Variants in MS4A6A observed in about 807,000 individuals in gnomAD.
The protein encoded by MS4A6A is membrane spanning 4-domains A6A, also known as membrane-spanning 4-domains subfamily A member 6A.
A neutral mutation model predicts 20.6 loss-of-function variants in MS4A6A; 19 were observed. The ratio of observed to expected loss-of-function variants is 0.92; its 90% CI spans 0.64 to 1.36. MS4A6A has a LOEUF of 1.36. Among genes scored for constraint, MS4A6A ranks in the 40% most tolerant of loss-of-function variants. The probability of loss-of-function intolerance (pLI) is 0.00; values close to 1 mark genes in which losing one functional copy is unlikely to be tolerated. For missense variants in MS4A6A, 272 were observed against 261.1 expected, an observed-to-expected ratio of 1.04 and a Z score of -0.29; for synonymous variants, 108 against 105.0, an observed-to-expected ratio of 1.03 and a Z score of -0.17.
At chr11:60,179,355 G>A (rs1857006958) in intron 3 of MS4A6A, 1 of 280,476 alleles carries the variant, frequency 3.6e-6, no homozygotes, top group Non-Finnish European at 6.7e-6. Context: ...GCCTTACCTG[G>A]GAATCAGTCA....
intron 2 of MS4A6A, 93 bp from the exon 3 acceptor site, chr11:60,180,058 C>T (rs1455892388): frequency 5.0e-5 from 63 of 1,258,082 alleles, no homozygotes; most frequent in Non-Finnish European, 2.2e-6. Flanking sequence ...GCATTATCGC[C>T]TTCTGCAAGA....
chr11:60,184,117 A>G (rs2083860142), upstream of MS4A6A, among the ~76,000 whole-genome samples: 1 of 152,208 alleles, frequency 6.6e-6, no homozygotes, highest in Non-Finnish European at 1.5e-5. Flanking sequence ...TCTGCACTTA[A>G]TTCCACACAT....
chr11:60,172,187 A>T (rs1038639458), downstream of MS4A6A: 1 of 1,613,358 alleles, frequency 6.2e-7, no homozygotes, highest in Non-Finnish European at 8.5e-7. Flanking sequence ...TCATATCCAC[A>T]GTCATGAGTC....
intron 5 of MS4A6A, 70 bp from the exon 6 acceptor site, chr11:60,173,199 G>A (rs759742364): frequency 2.2e-6 from 3 of 1,374,726 alleles, no homozygotes; most frequent in Non-Finnish European, 3.1e-6. Context: ...GTTGAGAGGT[G>A]ACCATAGAGA....
In MS4A6A at chr11:60,173,091, T is replaced by C. The variant is rs142963878; in HGVS notation, c.588A>G (p.Glu196=). Residue 196 remains glutamate (E), a synonymous_variant, in exon 6 of 6, where the codon GAA becomes GAG. Coordinates refer to ENST00000528851, the MANE Select transcript of MS4A6A (RefSeq NM_022349.4). The stretch of plus-strand genomic sequence containing the variant: ...CAGCAGTGAGCACAGCTAGGCAGAA[T>C]TCCAGCAGAGTGCAAATCAGCATCA... ...LSLMLICTLL[E]FCLAVLTAVL... The C allele has an allele frequency of 4.0e-5, 64 of 1,613,988 alleles. No individual in the cohort carries two copies. Among genetic ancestry groups the C allele is most frequent in the African/African-American group, 1.1e-4 (8 of 74,920 alleles).
downstream of MS4A6A, chr11:60,172,381 G>C: frequency 7.0e-7 from 1 of 1,425,576 alleles, no homozygotes; most frequent in Non-Finnish European, 9.2e-7. Context: ...CATATCACCA[G>C]GTTCTTCAAA....
chr11:60,182,232 G>A (rs531238923), intron 1 of MS4A6A: 1 of 153,402 alleles, frequency 6.5e-6, no homozygotes, highest in South Asian at 2.0e-4. Flanking sequence ...CCTTACAACA[G>A]CTCTGCATGT....
intron 2 of MS4A6A, 77 bp from the exon 3 acceptor site, chr11:60,180,042 A>T: frequency 3.5e-6 from 5 of 1,412,602 alleles, no homozygotes; most frequent in Non-Finnish European, 4.9e-6. Flanking sequence ...CTCCCATGGC[A>T]CTAATGCATT....
At chr11:60,171,714 C>T (rs2134749740), downstream of MS4A6A, among the ~76,000 whole-genome samples, 1 of 152,270 alleles carries the variant, frequency 6.6e-6, no homozygotes, top group South Asian at 2.1e-4. Context: ...TAGGATAAAA[C>T]ACTAGCACCT....
At chr11:60,175,965 A>G (rs1039549572) in intron 4 of MS4A6A, among the ~76,000 whole-genome samples, 1 of 152,232 alleles carries the variant, frequency 6.6e-6, no homozygotes, top group African/African-American at 2.4e-5. Context: ...GCAACGTACC[A>G]GATGCAGTTT....
intron 3 of MS4A6A, 64 bp from the exon 4 acceptor site, chr11:60,178,380 C>T: frequency 1.5e-6 from 2 of 1,344,112 alleles, no homozygotes; most frequent in Non-Finnish European, 2.1e-6. Context: ...ACGTCACTAT[C>T]ACAATGTTTA....
At chr11:60,176,597 C>A (rs1317535382) in intron 4 of MS4A6A, among the ~76,000 whole-genome samples, 2 of 152,272 alleles carry the variant, frequency 1.3e-5, no homozygotes, top group East Asian at 3.9e-4. Context: ...GTTACTTAAT[C>A]CCACATGGGC....
chr11:60,178,272 T>C lies in MS4A6A; in HGVS notation c.327A>G (p.Leu109=), dbSNP rs12453. ...CTCTCTTACTCACCAAAAGCTTGGT[T>C]AACCTTTTCTCTGTGGCGATTGATA... The part of the protein sequence containing the change: ...GSLSIATEKR[L]TKLLVHSSLV... The change falls in exon 4 of 6, where the codon TTA becomes TTG. Residue 109 remains leucine (L), a synonymous_variant. Coordinates refer to ENST00000528851, the MANE Select transcript of MS4A6A (RefSeq NM_022349.4). 0.38 allele frequency: 618,517 copies of C among 1,609,884 alleles called. 123,466 individuals carry two copies. Among genetic ancestry groups the C allele is most frequent in the South Asian group, 0.5 (45,351 of 90,904 alleles).
At chr11:60,172,315 A>G (rs551599836), downstream of MS4A6A, 1 of 1,586,662 alleles carries the variant, frequency 6.3e-7, no homozygotes, top group East Asian at 2.3e-5. Context: ...AGATGTATAT[A>G]TGCCATTTTT....
chr11:60,174,612 C>T (rs1590666910), intron 5 of MS4A6A, among the ~76,000 whole-genome samples: 1 of 152,188 alleles, frequency 6.6e-6, no homozygotes, highest in African/African-American at 2.4e-5. Flanking sequence ...GGGTGAGCCA[C>T]TGACCCAGCC....
At chr11:60,172,378 C>T (rs533957908), downstream of MS4A6A, 2 of 1,435,530 alleles carry the variant, frequency 1.4e-6, no homozygotes, top group Admixed American at 2.6e-5. Flanking sequence ...GAGCATATCA[C>T]CAGGTTCTTC....
intron 2 of MS4A6A, chr11:60,180,632 C>T (rs566240680): frequency 2.5e-4 from 41 of 165,234 alleles, no homozygotes; most frequent in Admixed American, 1.8e-3. Context: ...TTTTCCTGAT[C>T]CTCTCTCTCC....
chr11:60,175,362 T>TA (rs1856778049), intron 5 of MS4A6A, 40 bp downstream of exon 5: 1 of 1,467,550 alleles, frequency 6.8e-7, no homozygotes, highest in Non-Finnish European at 9.5e-7. Flanking sequence ...GGCTTTTGAA[T>TA]ACCTCATAAG....
intron 2 of MS4A6A, chr11:60,180,875 C>A: frequency 5.7e-6 from 2 of 347,880 alleles, no homozygotes; most frequent in Non-Finnish European, 1.1e-5. Context: ...TTTTCTAGAC[C>A]TTATGTCACA....
Sources: gnomAD v4.1 joint callset for allele counts (sites outside exome capture counted in the v4.1 genomes callset) on GRCh38, gnomAD v4.1.1 for gene constraint, MANE v1.5 for transcripts, NCBI Gene and HGNC (gene_info 2026-07-23, HGNC 2026-07-21) for gene names.